The following FXYD6 variants were observed in gnomAD, a reference collection of about 807,000 sequenced individuals.
FXYD6 encodes FXYD domain containing ion transport regulator 6, also known as FXYD domain-containing ion transport regulator 6.
FXYD6 carries 7 observed loss-of-function variants against 16.7 expected under a neutral mutation model. That is an observed-to-expected ratio of 0.42 (90% CI 0.24 to 0.79). The LOEUF (loss-of-function observed/expected upper bound fraction) is 0.79. Ranked by LOEUF, FXYD6 falls within the 30% of genes least tolerant of loss-of-function variation. The probability of loss-of-function intolerance (pLI) is 0.28; values close to 1 mark genes in which losing one functional copy is unlikely to be tolerated. For missense variants in FXYD6, 111 were observed against 116.2 expected (o/e 0.95, Z 0.21); for synonymous variants, 49 against 43.0 (o/e 1.14, Z -0.54).
intron 5 of FXYD6, 56 bp downstream of exon 5, chr11:117,841,092 C>G (rs2056330076): frequency 6.2e-7 from 1 of 1,608,602 alleles, no homozygotes; most frequent in Admixed American, 1.7e-5. Context: ...CACCAGGGGT[C>G]CCTTCCTGTC....
chr11:117,841,058 G>A, intron 5 of FXYD6, 90 bp downstream of exon 5: 1 of 1,538,254 alleles, frequency 6.5e-7, no homozygotes, highest in South Asian at 1.1e-5. Context: ...AAGAATCCAA[G>A]AGAATGCCCA....
rs375351161 is a variant in FXYD6, at chr11:117,850,712, C to T, written c.-5-7931G>A. ...CTCACTATGTTACGTAGGCTGGTCT[C>T]GAACTCCTGGGCTCAGGTGATCTGC... On this transcript the variant is annotated intron_variant, in intron 1 of 7. Transcript: ENST00000526014. Among the ~76,000 whole-genome samples the T allele has an allele frequency of 1.6e-4, 24 of 151,100 alleles. No individual in the cohort carries two copies. In the East Asian group the frequency reaches 2.7e-3, roughly 17 times the overall value.
Position 117,861,055 on chromosome 11 carries a change from G to A in FXYD6, c.-6+15537C>T, listed in dbSNP as rs765417608. Among the ~76,000 whole-genome samples, 56 of 152,276 alleles carry A rather than the reference G, an allele frequency of 3.7e-4. 1 individual carries two copies. Among genetic ancestry groups the A allele is most frequent in the Admixed American group, 6.5e-5 (1 of 15,304 alleles). On this transcript the variant is annotated intron_variant, in intron 1 of 7. Transcript: ENST00000526014. The stretch of plus-strand genomic sequence containing the variant: ...TCAGTGGCTCTGTGGCCTCGGGAGC[G>A]TTACTTGGCTTCTCAGAGTCTTGGC...
At chr11:117,847,290 T>C (rs2056492393) in intron 1 of FXYD6, among the ~76,000 whole-genome samples, 1 of 152,192 alleles carries the variant, frequency 6.6e-6, no homozygotes, top group Admixed American at 6.5e-5. Flanking sequence ...AGATATATCA[T>C]CTTCAAATGA....
intron 7 of FXYD6, chr11:117,839,566 T>C: frequency 1.9e-6 from 1 of 530,166 alleles, no homozygotes; most frequent in East Asian, 2.8e-5. Flanking sequence ...TTTCCTGGTG[T>C]TGGCATGCAT....
At chr11:117,871,723 T>C (rs1241988871) in intron 1 of FXYD6, among the ~76,000 whole-genome samples, 1 of 152,232 alleles carries the variant, frequency 6.6e-6, no homozygotes, top group East Asian at 1.9e-4. Context: ...CCTGAGTGTT[T>C]ACTCCATGCT....
intron 1 of FXYD6, among the ~76,000 whole-genome samples, chr11:117,862,471 A>G (rs1299223831): frequency 6.6e-6 from 1 of 152,214 alleles, no homozygotes; most frequent in African/African-American, 2.4e-5. Context: ...TGTTCCTGGG[A>G]GAAAACAACT....
chr11:117,865,797 C>T (rs925215295), intron 1 of FXYD6, among the ~76,000 whole-genome samples: 6 of 152,016 alleles, frequency 3.9e-5, no homozygotes, highest in African/African-American at 7.2e-5. Flanking sequence ...CGTGGTGGTG[C>T]GCGCCTGTAG....
intron 1 of FXYD6, among the ~76,000 whole-genome samples, chr11:117,875,919 G>T (rs1591603141): frequency 6.6e-6 from 1 of 152,206 alleles, no homozygotes; most frequent in Non-Finnish European, 1.5e-5. Context: ...AATAGGGGAG[G>T]CTCTGCCAGG....
rs78678481 is a variant in FXYD6, at chr11:117,866,866, G to A, written c.-6+9726C>T. ...CGGCAGCCTTTCACCGTGGGCTGCA[G>A]AGCTGCAGATCACCTTTTTTTCTGG... On this transcript the variant is annotated intron_variant, in intron 1 of 7. Coordinates refer to ENST00000526014, the MANE Select transcript of FXYD6 (RefSeq NM_022003.4). 0.018 allele frequency among the ~76,000 whole-genome samples: 2,705 copies of A among 152,318 alleles called. 186 individuals carry two copies. In the East Asian group the frequency reaches 0.19, roughly 11 times the overall value.
At chr11:117,840,603 G>A (rs2056316231) in intron 5 of FXYD6, among the ~76,000 whole-genome samples, 1 of 152,176 alleles carries the variant, frequency 6.6e-6, no homozygotes, top group Non-Finnish European at 1.5e-5. Context: ...CATGGGAAGG[G>A]GAGGCTAGGG....
intron 6 of FXYD6, 73 bp from the exon 7 acceptor site, chr11:117,839,903 T>A: frequency 6.3e-7 from 1 of 1,588,750 alleles, no homozygotes; most frequent in Admixed American, 1.7e-5. Context: ...ACAGCAGCCG[T>A]GTCTCTGCCT....
chr11:117,848,760 T>C (rs2056536865), intron 1 of FXYD6, among the ~76,000 whole-genome samples: 1 of 152,222 alleles, frequency 6.6e-6, no homozygotes, highest in Non-Finnish European at 1.5e-5. Context: ...TAGTGAGTTA[T>C]AATTTTTAAA....
chr11:117,842,023 C>A lies in FXYD6; in HGVS notation c.64G>T (p.Glu22Ter). 6.2e-7 allele frequency: 1 copy of A among 1,614,218 alleles called. No individual in the cohort carries two copies. The highest frequency in any genetic ancestry group is 1.1e-5 in the South Asian group (1 of 91,090). Reference sequence around the variant, plus strand: ...AAAGGGTCCATTTCCTTCTCCTTTTCAGCTGCTGCAAAAACAAACAGTTGG... The same window carrying A: ...AAAGGGTCCATTTCCTTCTCCTTTTAAGCTGCTGCAAAAACAAACAGTTGG... ...LAPMVLASAA[E>*]KEKEMDPFHY... Residue 22 changes from glutamate (E) to a stop codon, truncating the protein, a stop_gained, in exon 3 of 8, where the codon GAA (glutamate) becomes TAA (stop). Transcript: ENST00000526014. LOFTEE classifies it high-confidence loss of function.
intron 1 of FXYD6, among the ~76,000 whole-genome samples, chr11:117,854,804 C>T (rs1279183677): frequency 6.6e-6 from 1 of 152,112 alleles, no homozygotes; most frequent in African/African-American, 2.4e-5. Context: ...AAAGGCATTC[C>T]GGTAGAGAAG....
intron 1 of FXYD6, among the ~76,000 whole-genome samples, chr11:117,857,654 A>G (rs559682547): frequency 3.3e-5 from 5 of 152,062 alleles, no homozygotes; most frequent in South Asian, 4.2e-4. Flanking sequence ...TGAGCCGCCC[A>G]CCTCAACTTC....
At chr11:117,849,944 C>T (rs1051409590) in intron 1 of FXYD6, among the ~76,000 whole-genome samples, 6 of 152,136 alleles carry the variant, frequency 3.9e-5, no homozygotes, top group Non-Finnish European at 5.9e-5. Flanking sequence ...GCAAGTGCTC[C>T]GAAGGGTAGC....
At chr11:117,858,750 T>A (rs1333948760) in intron 1 of FXYD6, among the ~76,000 whole-genome samples, 1 of 132,698 alleles carries the variant, frequency 7.5e-6, no homozygotes, top group Non-Finnish European at 1.6e-5. Context: ...CCTTCCTTCC[T>A]TCCTTCCTTC....
At chr11:117,847,910 T>C (rs2056510665) in intron 1 of FXYD6, among the ~76,000 whole-genome samples, 1 of 152,184 alleles carries the variant, frequency 6.6e-6, no homozygotes. Context: ...AAATGGTATT[T>C]CTAGTTCTAG....
Sources: gnomAD v4.1 joint callset for allele counts (sites outside exome capture counted in the v4.1 genomes callset) on GRCh38, gnomAD v4.1.1 for gene constraint, MANE v1.5 for transcripts, NCBI Gene and HGNC (gene_info 2026-07-23, HGNC 2026-07-21) for gene names.